The following ALDH16A1 variants were observed in gnomAD, a reference collection of about 807,000 sequenced individuals.
ALDH16A1 encodes the protein aldehyde dehydrogenase 16 family member A1, also known as aldehyde dehydrogenase family 16 member A1.
ALDH16A1 carries 88 observed loss-of-function variants against 96.1 expected under a neutral mutation model. That is an observed-to-expected ratio of 0.92 (90% CI 0.77 to 1.09). The LOEUF is 1.09. Among genes scored for constraint, ALDH16A1 ranks in the 50% least tolerant of loss-of-function variants. ALDH16A1 has a pLI of 0.00. For missense variants in ALDH16A1, 1,250 were observed against 1,112.6 expected, an observed-to-expected ratio of 1.12 and a Z score of -1.76; for synonymous variants, 522 against 496.4, an observed-to-expected ratio of 1.05 and a Z score of -0.69.
At chr19:49,461,431 T>C (rs2079143490) in intron 5 of ALDH16A1, among the ~76,000 whole-genome samples, 188 bp from the exon 6 acceptor site, 1 of 69,280 alleles carries the variant, frequency 1.4e-5, no homozygotes, top group Non-Finnish European at 2.7e-5. Flanking sequence ...GAGGAGGGGC[T>C]GGGCCTGGAC....
Position 49,461,923 on chromosome 19 carries a change from G to T in ALDH16A1, c.799G>T (p.Ala267Ser). The change falls in exon 7 of 17, where the codon GCG becomes TCG. Residue 267 changes from alanine (A) to serine (S), a missense_variant. Physicochemically the swap from Ala to Ser is moderately conservative, Grantham distance 99 (BLOSUM62 1). Transcript: ENST00000293350. ...TCGACGGAGCCTGGCGGGAGAGTGT[G>T]CGGAGCTGGGCCTGGCGCTGGGGAC... ...ALRRSLAGEC[A>S]ELGLALGTES... is the part of the protein sequence containing the mutation. 2 of 1,577,486 alleles carry T rather than the reference G, an allele frequency of 1.3e-6. No homozygotes were observed. The highest frequency in any genetic ancestry group is 1.1e-5 in the South Asian group (1 of 86,974).
Position 49,468,367 on chromosome 19 carries a change from A to G in ALDH16A1, c.1939-14A>G. 1 of 1,596,788 alleles carries G rather than the reference A, an allele frequency of 6.3e-7. No individual in the cohort carries two copies. Among genetic ancestry groups the G allele is most frequent in the East Asian group, 2.2e-5 (1 of 44,778 alleles). On this transcript the variant is annotated splice_polypyrimidine_tract_variant and intron_variant, in intron 14 of 16. Coordinates refer to ENST00000293350, the MANE Select transcript of ALDH16A1 (RefSeq NM_153329.4). The surrounding 1 kb of genome is among the most constrained non-coding windows in gnomAD (Gnocchi z 4.4). ...GGCTCCCCTGCCCCACACGTGACCCACCTGTCCCTGCAGGTAGCCGGGCTG... is the reference window on the plus strand; with the variant it reads ...GGCTCCCCTGCCCCACACGTGACCCGCCTGTCCCTGCAGGTAGCCGGGCTG...
At position 49,459,289 on chromosome 19, in the gene ALDH16A1, T is replaced by C. The variant is rs2079123935; in HGVS notation, c.320+203T>C. The stretch of plus-strand genomic sequence containing the variant: ...CTGGGACTAGAAGCCACAAAGCCTC[T>C]ATTTCCCAGGACATTCTTGGAGTGC... On this transcript the variant is annotated intron_variant, in intron 3 of 16. Transcript: ENST00000293350. This position sits in a 1 kb window ranked among gnomAD's most constrained non-coding sequence, Gnocchi z 4.1. Among the ~76,000 whole-genome samples, 1 of 152,228 alleles carries C rather than the reference T, an allele frequency of 6.6e-6. No individual in the cohort carries two copies. The highest frequency in any genetic ancestry group is 6.5e-5 in the Admixed American group (1 of 15,282).
rs2079215951 is a variant in ALDH16A1 at position 49,468,307 on chromosome 19, G to C, written c.1939-74G>C. The C allele has an allele frequency of 2.0e-6, 3 of 1,481,110 alleles. No homozygotes were observed. The highest frequency in any genetic ancestry group is 2.7e-6 in the Non-Finnish European group (3 of 1,094,474). The allele number at this position is 1,481,110 out of a possible 1,614,324, so 91.7% of individuals were successfully genotyped here. On this transcript the variant is annotated intron_variant, in intron 14 of 16. Transcript: ENST00000293350. The surrounding 1 kb of genome is among the most constrained non-coding windows in gnomAD (Gnocchi z 4.4). ...GCCAACACCAAGTGTTGGGGAGAATGTAGAGGAACTGGATCTCTCATTTAC... is the reference window on the plus strand; with the variant it reads ...GCCAACACCAAGTGTTGGGGAGAATCTAGAGGAACTGGATCTCTCATTTAC...
chr19:49,455,499 C>G (rs1265048618), intron 1 of ALDH16A1, among the ~76,000 whole-genome samples: 3 of 151,042 alleles, frequency 2.0e-5, no homozygotes, highest in African/African-American at 4.9e-5. Context: ...CCCAGCTACC[C>G]GGGAGGCTGA....
Position 49,459,544 on chromosome 19 carries a change from C to A in ALDH16A1, c.321-126C>A, listed in dbSNP as rs2079125300. On this transcript the variant is annotated intron_variant, in intron 3 of 16. Transcript: ENST00000293350. The surrounding 1 kb of genome is among the most constrained non-coding windows in gnomAD (Gnocchi z 4.1). ...CTCATAAATCTTCACTGCCCTCTGC[C>A]CCAGGTAAATGGTGGGGATGCCTCA... 9.2e-7 allele frequency: 1 copy of A among 1,089,316 alleles called. No homozygotes were observed. The highest frequency in any genetic ancestry group is 1.3e-6 in the Non-Finnish European group (1 of 782,868). 67.5% of individuals were successfully genotyped at this position (1,089,316 alleles called of 1,614,324 possible).
Position 49,458,986 on chromosome 19 carries a change from G to A in ALDH16A1, c.220G>A (p.Ala74Thr). 1 of 1,613,452 alleles carries A rather than the reference G, an allele frequency of 6.2e-7. No individual in the cohort carries two copies. The highest frequency in any genetic ancestry group is 2.2e-5 in the East Asian group (1 of 44,880). ...TGENLASCLQ[A>T]QAEDVAAAVE... is the part of the protein sequence containing the mutation. ...AGAGAACTTGGCCAGTTGCCTGCAG[G>A]CACAGGCCGAGGATGTGGCTGCAGC... Residue 74 changes from alanine to threonine, a missense_variant, in exon 3 of 17, where the codon GCA becomes ACA. By Grantham distance (58) the Ala-to-Thr change is moderately conservative. Transcript: ENST00000293350.
rs1163973450 is a variant in ALDH16A1 at position 49,468,562 on chromosome 19, G to A, written c.2120G>A (p.Cys707Tyr). The change falls in exon 15 of 17, where the codon TGC becomes TAC. Residue 707 changes from cysteine (C) to tyrosine (Y), a missense_variant. Transcript: ENST00000293350. The surrounding 1 kb of genome is among the most constrained non-coding windows in gnomAD (Gnocchi z 4.4). ...TGTCCTCTGCTGGCCCTGGAGGTCT[G>A]CCAGGTATAGCCCCCTGCCTTCCTG... ...AACPLLALEV[C>Y]QDMATVFPAG... The A allele has an allele frequency of 8.7e-6, 14 of 1,603,580 alleles. No individual in the cohort carries two copies. The highest frequency in any genetic ancestry group is 1.2e-5 in the Non-Finnish European group (14 of 1,179,796).
rs1281948873 is a variant in ALDH16A1, at chr19:49,458,606, G to A, written c.193+18G>A. ...CATCACAGGTACGAGATGTCCCCCA[G>A]TCATTAGTGGAAGGGAGGTATCTGT... On this transcript the variant is annotated intron_variant, in intron 2 of 16. Coordinates refer to ENST00000293350, the MANE Select transcript of ALDH16A1 (RefSeq NM_153329.4). 9.0e-6 allele frequency: 14 copies of A among 1,550,806 alleles called. No individual in the cohort carries two copies. Among genetic ancestry groups the A allele is most frequent in the Non-Finnish European group, 1.1e-5 (13 of 1,145,284 alleles).
At chr19:49,460,286 C>T (rs992510121) in intron 4 of ALDH16A1, among the ~76,000 whole-genome samples, 1 of 152,076 alleles carries the variant, frequency 6.6e-6, no homozygotes, top group Non-Finnish European at 1.5e-5. Flanking sequence ...GTCACCCTGG[C>T]TGGAGTACAG....
rs549966663 is a variant in ALDH16A1 at position 49,464,554 on chromosome 19, C to G, written c.1437+32C>G. 22 of 1,613,234 alleles carry G rather than the reference C, an allele frequency of 1.4e-5. No individual in the cohort carries two copies. In the South Asian group the frequency reaches 2.2e-4, roughly 16 times the overall value. On this transcript the variant is annotated intron_variant, in intron 11 of 16. Coordinates refer to ENST00000293350, the MANE Select transcript of ALDH16A1 (RefSeq NM_153329.4). ...ACATCCCCTCCCCGTCACCAGCCCCCCCGCCGCCCCATGCCCTTGACACTC... is the reference window on the plus strand; with the variant it reads ...ACATCCCCTCCCCGTCACCAGCCCCGCCGCCGCCCCATGCCCTTGACACTC...
chr19:49,453,710 G>C (rs2079087376), intron 1 of ALDH16A1, among the ~76,000 whole-genome samples: 2 of 152,154 alleles, frequency 1.3e-5, no homozygotes, highest in African/African-American at 4.8e-5. Context: ...ACGCTCTCGT[G>C]ATTCCTCAGG....
rs200248039 is a variant in ALDH16A1, at chr19:49,461,995, G to A, written c.871G>A (p.Val291Met). Residue 291 changes from valine to methionine, a missense_variant, in exon 7 of 17, where the codon GTG (valine) becomes ATG (methionine). By Grantham distance (21) the Val-to-Met change is conservative. Coordinates refer to ENST00000293350, the MANE Select transcript of ALDH16A1 (RefSeq NM_153329.4). The part of the protein sequence containing the change: ...LTDTADVDSA[V>M]EGVVDAAWSD... The stretch of plus-strand genomic sequence containing the variant: ...GGACACGGCGGACGTAGACTCGGCC[G>A]TGGAGGGTGTCGTGGACGCCGCCTG... 4,658 of 1,547,170 alleles carry A rather than the reference G, an allele frequency of 3.0e-3. 8 individuals carry two copies. The highest frequency in any genetic ancestry group is 3.6e-3 in the Non-Finnish European group (4,177 of 1,149,912).
Position 49,453,395 on chromosome 19 carries a change from G to C in ALDH16A1, c.64G>C (p.Val22Leu), listed in dbSNP as rs768789700. ...CTTCACCTCGCTGGAGTACGGACCGGTGCCGGAGAGCCACGCATGCGCACT... is the reference window on the plus strand; with the variant it reads ...CTTCACCTCGCTGGAGTACGGACCGCTGCCGGAGAGCCACGCATGCGCACT... The part of the protein sequence containing the change: ...EIFTSLEYGP[V>L]PESHACALAW... The change falls in exon 1 of 17, where the codon GTG becomes CTG. Residue 22 changes from valine to leucine, a missense_variant. Transcript: ENST00000293350. 2 of 1,559,784 alleles carry C rather than the reference G, an allele frequency of 1.3e-6. No homozygotes were observed. Among genetic ancestry groups the C allele is most frequent in the Admixed American group, 1.9e-5 (1 of 53,556 alleles).
intron 9 of ALDH16A1, 76 bp from the exon 10 acceptor site, chr19:49,464,051 G>A: frequency 6.3e-7 from 1 of 1,579,090 alleles, no homozygotes; most frequent in Non-Finnish European, 8.6e-7. Context: ...CTGGGCGTGG[G>A]GGCTGCTGCC....
At position 49,468,154 on chromosome 19, in the gene ALDH16A1, C is replaced by T. The variant is rs1304115563; in HGVS notation, c.1939-227C>T. On this transcript the variant is annotated intron_variant, in intron 14 of 16. Coordinates refer to ENST00000293350, the MANE Select transcript of ALDH16A1 (RefSeq NM_153329.4). This position sits in a 1 kb window ranked among gnomAD's most constrained non-coding sequence, Gnocchi z 4.4. ...TAGCCAGGGCGACAGAGTGAGAGTC[C>T]GTCTCAAAAAAAAAAAAAAAGAAAG... 7.8e-5 allele frequency: 37 copies of T among 474,216 alleles called. 1 individual carries two copies. The highest frequency in any genetic ancestry group is 2.4e-4 in the South Asian group (9 of 38,094). 29.4% of individuals were successfully genotyped at this position (474,216 alleles called of 1,614,324 possible). A position where few individuals can be genotyped will look rare whatever the true frequency, so the allele number is the denominator to read the frequency against.
intron 4 of ALDH16A1, among the ~76,000 whole-genome samples, chr19:49,460,244 G>GT (rs1407577147): frequency 6.6e-6 from 1 of 151,780 alleles, no homozygotes; most frequent in Non-Finnish European, 1.5e-5. Flanking sequence ...TTTTGTTTTT[G>GT]TTTTTTTCTT....
chr19:49,457,723 C>T (rs1175705492), intron 1 of ALDH16A1, among the ~76,000 whole-genome samples: 8 of 151,742 alleles, frequency 5.3e-5, no homozygotes, highest in Non-Finnish European at 1.2e-4. Flanking sequence ...GATCCTCCCA[C>T]CTCAGACTCC....
Position 49,462,030 on chromosome 19 carries a change from C to T in ALDH16A1, c.906C>T (p.Arg302=), listed in dbSNP as rs769322503. The T allele has an allele frequency of 1.9e-6, 3 of 1,540,996 alleles. No individual in the cohort carries two copies. Among genetic ancestry groups the T allele is most frequent in the East Asian group, 2.4e-5 (1 of 41,040 alleles). The change falls in exon 7 of 17, where the codon CGC becomes CGT. Residue 302 remains arginine, a synonymous_variant. Transcript: ENST00000293350. ...EGVVDAAWSD[R]GPGGLRLLIQ... Reference sequence around the variant, plus strand: ...TCGTGGACGCCGCCTGGTCCGACCGCGGCCCGGTGAGACCCGTGCGCTCCC... The same window carrying T: ...TCGTGGACGCCGCCTGGTCCGACCGTGGCCCGGTGAGACCCGTGCGCTCCC...
Sources: gnomAD v4.1 joint callset for allele counts (sites outside exome capture counted in the v4.1 genomes callset) on GRCh38, gnomAD v4.1.1 for gene constraint, Gnocchi (gnomAD v3.1) non-coding constraint, MANE v1.5 for transcripts, NCBI Gene and HGNC (gene_info 2026-07-23, HGNC 2026-07-21) for gene names.